Variants in APOL6 observed in about 807,000 individuals in gnomAD.
The protein encoded by APOL6 is apolipoprotein L6.
In APOL6, 1 loss-of-function variant was observed where a neutral mutation model predicts 2.4. The ratio of observed to expected loss-of-function variants is 0.41; its 90% CI spans 0.15 to 1.94. The LOEUF (loss-of-function observed/expected upper bound fraction) is 1.94. Among genes scored for constraint, APOL6 ranks in the 30% most tolerant of loss-of-function variants. The probability of loss-of-function intolerance (pLI) is 0.30; values close to 1 mark genes in which losing one functional copy is unlikely to be tolerated. For missense variants in APOL6, 438 were observed against 429.2 expected (o/e 1.02, Z -0.18); for synonymous variants, 189 against 169.3 (o/e 1.12, Z -0.90).
At position 35,666,589 on chromosome 22, in the gene APOL6, T is replaced by C. The variant is rs1050764079; in HGVS notation, c.*6993T>C. ...ACACCTGGCCTATTTTGGTCCTCTT[T>C]AGAAGGTGGTTTTATAATCAGCTGT... On this transcript the variant is annotated 3_prime_UTR_variant, in exon 3 of 3. Transcript: ENST00000409652. The C allele has an allele frequency of 3.3e-5, 5 of 152,134 alleles. No individual in the cohort carries two copies. The highest frequency in any genetic ancestry group is 5.9e-5 in the Non-Finnish European group (4 of 68,012). The allele number at this position is 152,134 out of a possible 1,614,324, so 9.4% of individuals were successfully genotyped here.
intron 1 of APOL6, among the ~76,000 whole-genome samples, chr22:35,649,174 G>A (rs1318308212): frequency 6.6e-6 from 1 of 152,194 alleles, no homozygotes; most frequent in African/African-American, 2.4e-5. Flanking sequence ...AGTGGCTCAT[G>A]CCTGTAATCC....
rs1925068721 is a variant in APOL6, at chr22:35,662,894, T to C, written c.*3298T>C. 6.6e-6 allele frequency: 1 copy of C among 152,196 alleles called. No individual in the cohort carries two copies. The highest frequency in any genetic ancestry group is 1.5e-5 in the Non-Finnish European group (1 of 68,024). 9.4% of individuals were successfully genotyped at this position (152,196 alleles called of 1,614,324 possible). A position where few individuals can be genotyped will look rare whatever the true frequency, so the allele number is the denominator to read the frequency against. On this transcript the variant is annotated 3_prime_UTR_variant, in exon 3 of 3. Transcript: ENST00000409652. ...AGGACTCCCTCCAGAAAATCCCTGA[T>C]CTCTTAAAATTTGGTAGAGATCGGA...
At chr22:35,657,319 CCTT>C (rs1041950673) in intron 2 of APOL6, among the ~76,000 whole-genome samples, 4 of 152,274 alleles carry the variant, frequency 2.6e-5, no homozygotes, top group East Asian at 1.9e-4. Flanking sequence ...GCCCTGGTGA[CCTT>C]CTGCTCTGTT....
At chr22:35,654,770 A>C (rs1256228627) in intron 1 of APOL6, among the ~76,000 whole-genome samples, 2 of 152,162 alleles carry the variant, frequency 1.3e-5, no homozygotes, top group Non-Finnish European at 2.9e-5. Context: ...AGAACAGAAT[A>C]AGCTACCCCC....
At chr22:35,649,102 A>G (rs1924621970) in intron 1 of APOL6, among the ~76,000 whole-genome samples, 1 of 152,154 alleles carries the variant, frequency 6.6e-6, no homozygotes, top group African/African-American at 2.4e-5. Context: ...ATTTATGTGA[A>G]GTTGTTTGGG....
rs1925215516 is a variant in APOL6, at chr22:35,667,345, C to T, written c.*7749C>T. 6.6e-6 allele frequency: 1 copy of T among 152,150 alleles called. No homozygotes were observed. Among genetic ancestry groups the T allele is most frequent in the Non-Finnish European group, 1.5e-5 (1 of 68,034 alleles). 9.4% of individuals were successfully genotyped at this position (152,150 alleles called of 1,614,324 possible). A position where few individuals can be genotyped will look rare whatever the true frequency, so the allele number is the denominator to read the frequency against. ...TCCTGTGGAACAAAGTTAATTGGTT[C>T]CAGAGATTCAAAGCCAGAGTTGCTG... On this transcript the variant is annotated 3_prime_UTR_variant, in exon 3 of 3. Coordinates refer to ENST00000409652, the MANE Select transcript of APOL6 (RefSeq NM_030641.4).
intron 1 of APOL6, among the ~76,000 whole-genome samples, chr22:35,651,024 A>G (rs1024379428): frequency 1.1e-4 from 16 of 152,110 alleles, no homozygotes; most frequent in Non-Finnish European, 1.8e-4. Context: ...TAGAAGTGGA[A>G]GGGAAGAGGA....
In APOL6 at chr22:35,664,085, C is replaced by T. The variant is rs1452637714; in HGVS notation, c.*4489C>T. On this transcript the variant is annotated 3_prime_UTR_variant, in exon 3 of 3. Coordinates refer to ENST00000409652, the MANE Select transcript of APOL6 (RefSeq NM_030641.4). ...GTAAAATCTTTAATAAATAAAGTAG[C>T]TTTAAAATTATTGGTAAAGTAGTAT... is the stretch of plus-strand genomic sequence containing the variant. 1 of 152,168 alleles carries T rather than the reference C, an allele frequency of 6.6e-6. No homozygotes were observed. Among genetic ancestry groups the T allele is most frequent in the Non-Finnish European group, 1.5e-5 (1 of 68,014 alleles). 9.4% of individuals were successfully genotyped at this position (152,168 alleles called of 1,614,324 possible). A position where few individuals can be genotyped will look rare whatever the true frequency, so the allele number is the denominator to read the frequency against.
intron 2 of APOL6, among the ~76,000 whole-genome samples, chr22:35,657,221 G>A (rs1310904186): frequency 6.6e-6 from 1 of 152,146 alleles, no homozygotes; most frequent in Admixed American, 6.5e-5. Context: ...CAGAGATCAG[G>A]GTGGGCTAAC....
rs1925152327 is a variant in APOL6 at position 35,665,498 on chromosome 22, C to T, written c.*5902C>T. ...TTGAAAGATCCAGTAAGTTCAGTTT[C>T]TCTATGAACTAATCATTCAAGTCAA... is the stretch of plus-strand genomic sequence containing the variant. On this transcript the variant is annotated 3_prime_UTR_variant, in exon 3 of 3. Coordinates refer to ENST00000409652, the MANE Select transcript of APOL6 (RefSeq NM_030641.4). 1 of 152,180 alleles carries T rather than the reference C, an allele frequency of 6.6e-6. No homozygotes were observed. 9.4% of individuals were successfully genotyped at this position (152,180 alleles called of 1,614,324 possible). A position where few individuals can be genotyped will look rare whatever the true frequency, so the allele number is the denominator to read the frequency against.
chr22:35,666,886 G>A lies in APOL6; in HGVS notation c.*7290G>A, dbSNP rs956313312. On this transcript the variant is annotated 3_prime_UTR_variant, in exon 3 of 3. Transcript: ENST00000409652. ...TAGTATACTCCTATGACAAAATTTGGAGCATATTTGTTTCTCTCTACCTGA... is the reference window on the plus strand; with the variant it reads ...TAGTATACTCCTATGACAAAATTTGAAGCATATTTGTTTCTCTCTACCTGA... The A allele has an allele frequency of 6.6e-6, 1 of 152,164 alleles. No homozygotes were observed. Among genetic ancestry groups the A allele is most frequent in the Admixed American group, 6.6e-5 (1 of 15,266 alleles). The allele number at this position is 152,164 out of a possible 1,614,324, so 9.4% of individuals were successfully genotyped here. A position where few individuals can be genotyped will look rare whatever the true frequency, so the allele number is the denominator to read the frequency against.
chr22:35,654,358 C>G (rs775641710), intron 1 of APOL6, among the ~76,000 whole-genome samples: 9 of 152,086 alleles, frequency 5.9e-5, no homozygotes, highest in Non-Finnish European at 1.0e-4. Flanking sequence ...AGCAGCCCCC[C>G]ATCCTTGGAG....
rs766890316 is a variant in APOL6 at position 35,658,839 on chromosome 22, G to A, written c.275G>A (p.Ser92Asn). Residue 92 changes from serine (S) to asparagine (N), a missense_variant, in exon 3 of 3, where the codon AGC (serine) becomes AAC (asparagine). Transcript: ENST00000409652. ...ACTGCTGTCATCTCTGGAGTGATGA[G>A]CCTCCTGGGTTTAGCCCTTGCCCCA... is the stretch of plus-strand genomic sequence containing the variant. ...TSTAVISGVM[S>N]LLGLALAPAT... 5.0e-6 allele frequency: 8 copies of A among 1,614,062 alleles called. No homozygotes were observed. Among genetic ancestry groups the A allele is most frequent in the African/African-American group, 1.3e-5 (1 of 74,930 alleles).
intron 1 of APOL6, among the ~76,000 whole-genome samples, chr22:35,655,298 AT>A (rs1277550657): frequency 6.6e-6 from 1 of 152,038 alleles, no homozygotes; most frequent in Non-Finnish European, 1.5e-5. Flanking sequence ...AGGGAAAATT[AT>A]TTTTTCCTCT....
chr22:35,659,753 C>T lies in APOL6; in HGVS notation c.*157C>T, dbSNP rs1415107665. The T allele has an allele frequency of 3.4e-6, 4 of 1,177,610 alleles. No homozygotes were observed. The East Asian group carries it at 7.8e-5, about 23-fold the overall frequency. The allele number at this position is 1,177,610 out of a possible 1,614,324, so 72.9% of individuals were successfully genotyped here. On this transcript the variant is annotated 3_prime_UTR_variant, in exon 3 of 3. Transcript: ENST00000409652. ...CTATGTGCTGGGAAAAGGGTCTTCCCTGTTTGTTTGTTTGTTTGTTTGTTT... is the reference window on the plus strand; with the variant it reads ...CTATGTGCTGGGAAAAGGGTCTTCCTTGTTTGTTTGTTTGTTTGTTTGTTT...
Position 35,658,715 on chromosome 22 carries a change from G to A in APOL6, c.151G>A (p.Glu51Lys). 6.2e-7 allele frequency: 1 copy of A among 1,614,174 alleles called. No individual in the cohort carries two copies. Among genetic ancestry groups the A allele is most frequent in the Non-Finnish European group, 8.5e-7 (1 of 1,180,024 alleles). ...TTTGAGAGAATTTCCCAGATTGAAA[G>A]AAGATCTGAAAGGGAACATTGACAA... ...IFLREFPRLK[E>K]DLKGNIDKLR... The change falls in exon 3 of 3, where the codon GAA (glutamate) becomes AAA (lysine). Residue 51 changes from glutamate to lysine, a missense_variant. Transcript: ENST00000409652.
At chr22:35,654,744 T>C (rs1010614364) in intron 1 of APOL6, among the ~76,000 whole-genome samples, 23 of 152,268 alleles carry the variant, frequency 1.5e-4, no homozygotes, top group Middle Eastern at 3.4e-3. Flanking sequence ...ACAGTCTATG[T>C]GGTCATAATT....
rs760298589 is a variant in APOL6 at position 35,659,026 on chromosome 22, G to A, written c.462G>A (p.Arg154=). The change falls in exon 3 of 3, where the codon AGG becomes AGA. Residue 154 remains arginine (R), a synonymous_variant. Transcript: ENST00000409652. ...DILPTYDQED[R]EDEEEKADYV... ...TGCCCACCTACGACCAAGAGGACAGGGAGGATGAGGAAGAGAAGGCAGACT... is the reference window on the plus strand; with the variant it reads ...TGCCCACCTACGACCAAGAGGACAGAGAGGATGAGGAAGAGAAGGCAGACT... 3.1e-6 allele frequency: 5 copies of A among 1,613,798 alleles called. No homozygotes were observed. In the East Asian group the frequency reaches 8.9e-5, roughly 29 times the overall value.
At chr22:35,650,953 A>T (rs77774369) in intron 1 of APOL6, among the ~76,000 whole-genome samples, 7,918 of 151,602 alleles carry the variant, frequency 0.052, 374 homozygotes, top group African/African-American at 0.13. Flanking sequence ...AAATTTTTTT[A>T]AAAATAAAGA....
Sources: allele counts gnomAD v4.1 joint callset (sites outside exome capture counted in the v4.1 genomes callset), GRCh38; gene constraint gnomAD v4.1.1; transcripts MANE v1.5; gene names NCBI Gene and HGNC (gene_info 2026-07-23, HGNC 2026-07-21).